The following UBE4A variants were observed in gnomAD, a reference collection of about 807,000 sequenced individuals.
The protein encoded by UBE4A is ubiquitination factor E4A.
Under a neutral mutation model 117.9 loss-of-function variants are expected in UBE4A, and 48 were observed. The observed-to-expected ratio is 0.41, with a 90% CI of 0.32 to 0.52. The LOEUF (loss-of-function observed/expected upper bound fraction) is 0.52. UBE4A is among the 20% of genes least tolerant of loss of function. UBE4A has a pLI of 0.33. For synonymous variants in UBE4A, 407 were observed against 450.0 expected (o/e 0.90, Z 1.21); for missense variants, 1,067 against 1,296.3 (o/e 0.82, Z 2.72).
At chr11:118,372,713 G>A (rs1269020523) in intron 6 of UBE4A, 47 bp downstream of exon 6, 1 of 1,604,026 alleles carries the variant, frequency 6.2e-7, no homozygotes, top group Non-Finnish European at 8.5e-7. Flanking sequence ...TTGATTTTCA[G>A]ATTTAAAATT....
chr11:118,392,198 T>TA, intron 18 of UBE4A, among the ~76,000 whole-genome samples: 1 of 152,352 alleles, frequency 6.6e-6, no homozygotes, highest in Middle Eastern at 3.4e-3. Flanking sequence ...GTTTCTTTTT[T>TA]ATTGAGTTGG....
At chr11:118,366,347 G>T (rs1350323158) in intron 2 of UBE4A, among the ~76,000 whole-genome samples, 1 of 152,184 alleles carries the variant, frequency 6.6e-6, no homozygotes, top group Non-Finnish European at 1.5e-5. Context: ...ATGAGTATGT[G>T]GTTGAGGGAA....
At chr11:118,395,506 C>T (rs782356237) in intron 19 of UBE4A, among the ~76,000 whole-genome samples, 6 of 152,198 alleles carry the variant, frequency 3.9e-5, no homozygotes, top group Non-Finnish European at 8.8e-5. Flanking sequence ...AGATTGACAT[C>T]TGTCATAAAC....
At chr11:118,387,068 G>A (rs1258673554) in intron 16 of UBE4A, among the ~76,000 whole-genome samples, 2 of 152,172 alleles carry the variant, frequency 1.3e-5, no homozygotes, top group Non-Finnish European at 2.9e-5. Flanking sequence ...GGTCTGAATT[G>A]AGATGTGCTA....
At position 118,374,982 on chromosome 11, in the gene UBE4A, C is replaced by G; in HGVS notation, c.1203C>G (p.Ser401=). ...LSPETKHCIL[S]WLGNCLHANA... ...CAGAAACCAAACACTGTATCTTGTC[C>G]TGGCTTGGAAACTGTTTGCATGCAA... The change falls in exon 9 of 20, where the codon TCC becomes TCG. Residue 401 remains serine (S), a synonymous_variant. Transcript: ENST00000252108. The G allele has an allele frequency of 6.2e-7, 1 of 1,608,880 alleles. No individual in the cohort carries two copies. Among genetic ancestry groups the G allele is most frequent in the Non-Finnish European group, 8.5e-7 (1 of 1,176,656 alleles).
At chr11:118,359,946 A>G (rs193134342) in intron 1 of UBE4A, among the ~76,000 whole-genome samples, 27 of 152,190 alleles carry the variant, frequency 1.8e-4, no homozygotes, top group Admixed American at 1.3e-4. Flanking sequence ...CTATCATTGC[A>G]TTATCTTTTG....
intron 15 of UBE4A, 25 bp downstream of exon 15, chr11:118,384,970 A>T: frequency 7.3e-7 from 1 of 1,378,416 alleles, no homozygotes. Context: ...AAAAAAAAAG[A>T]TTTAACTTCT....
At position 118,397,090 on chromosome 11, in the gene UBE4A, T is replaced by G. The variant is rs1223211686; in HGVS notation, c.*650T>G. ...GCTCTTAATTTTGTTATACAGTCTT[T>G]TTAATGAGGATTGGTAGGGCAATCC... On this transcript the variant is annotated 3_prime_UTR_variant, in exon 20 of 20. Coordinates refer to ENST00000252108, the MANE Select transcript of UBE4A (RefSeq NM_001204077.2). The G allele has an allele frequency of 1.3e-5, 2 of 152,384 alleles. No homozygotes were observed. Among genetic ancestry groups the G allele is most frequent in the Non-Finnish European group, 2.9e-5 (2 of 68,186 alleles). 9.4% of individuals were successfully genotyped at this position (152,384 alleles called of 1,614,324 possible).
rs1470498766 is a variant in UBE4A at position 118,373,134 on chromosome 11, T to C, written c.770T>C (p.Ile257Thr). The C allele has an allele frequency of 1.2e-6, 2 of 1,614,022 alleles. No individual in the cohort carries two copies. The highest frequency in any genetic ancestry group is 8.5e-7 in the Non-Finnish European group (1 of 1,180,036). ...EFLEEVIEAL[I>T]LDEEVRTFPE... ...CTGGAAGAGGTCATTGAAGCCTTGA[T>C]ATTGGATGAGGAAGTTAGAACATTT... Residue 257 changes from isoleucine (I) to threonine (T), a missense_variant, in exon 7 of 20, where the codon ATA becomes ACA. Around this residue, in one of 3 missense-constraint regions of UBE4A, gnomAD observed 1,001 missense variants for 1,184.0 expected, o/e 0.85. Transcript: ENST00000252108.
At position 118,399,169 on chromosome 11, in the gene UBE4A, T is replaced by C. The variant is rs562531878; in HGVS notation, c.*2729T>C. 5.1e-5 allele frequency: 21 copies of C among 412,264 alleles called. 1 individual carries two copies. The highest frequency in any genetic ancestry group is 3.6e-4 in the South Asian group (21 of 58,738). 25.5% of individuals were successfully genotyped at this position (412,264 alleles called of 1,614,324 possible). A position where few individuals can be genotyped will look rare whatever the true frequency, so the allele number is the denominator to read the frequency against. ...TCTTGTCAAACTTGCCTGGCAGTGTTTGTTCAAAACTTGTATTTAATAAAT... is the reference window on the plus strand; with the variant it reads ...TCTTGTCAAACTTGCCTGGCAGTGTCTGTTCAAAACTTGTATTTAATAAAT... On this transcript the variant is annotated 3_prime_UTR_variant, in exon 20 of 20. Coordinates refer to ENST00000252108, the MANE Select transcript of UBE4A (RefSeq NM_001204077.2).
rs1177807383 is a variant in UBE4A, at chr11:118,363,357, C to T, written c.-41-1683C>T. ...AGGAGTTCGAGACCAGCCTGGCCAA[C>T]ATGGTGATACCCCGTCTCTACTAAA... On this transcript the variant is annotated intron_variant, in intron 1 of 19. Coordinates refer to ENST00000252108, the MANE Select transcript of UBE4A (RefSeq NM_001204077.2). Among the ~76,000 whole-genome samples the T allele has an allele frequency of 2.0e-5, 3 of 152,286 alleles. No homozygotes were observed. In the East Asian group the frequency reaches 5.8e-4, roughly 29 times the overall value.
chr11:118,365,567 G>C (rs756596843), intron 2 of UBE4A, among the ~76,000 whole-genome samples: 1 of 152,202 alleles, frequency 6.6e-6, no homozygotes, highest in Non-Finnish European at 1.5e-5. Flanking sequence ...CACAGAGGTG[G>C]TAAGTGTAGG....
intron 12 of UBE4A, among the ~76,000 whole-genome samples, chr11:118,382,008 T>A (rs1948709237): frequency 6.6e-6 from 1 of 152,170 alleles, no homozygotes; most frequent in Non-Finnish European, 1.5e-5. Context: ...ATTTTTTTGA[T>A]GCATAGGCTA....
intron 4 of UBE4A, 95 bp downstream of exon 4, chr11:118,369,630 A>G (rs1948592758): frequency 1.4e-6 from 1 of 736,590 alleles, no homozygotes; most frequent in Non-Finnish European, 2.2e-6. Flanking sequence ...TTGTGTCCAT[A>G]TGTCCATCCC....
chr11:118,374,932 C>T lies in UBE4A; in HGVS notation c.1153C>T (p.Leu385=). 1 of 1,554,770 alleles carries T rather than the reference C, an allele frequency of 6.4e-7. No individual in the cohort carries two copies. The highest frequency in any genetic ancestry group is 8.7e-7 in the Non-Finnish European group (1 of 1,148,148). The change falls in exon 9 of 20, where the codon CTG becomes TTG. Residue 385 remains leucine (L), a synonymous_variant. Coordinates refer to ENST00000252108, the MANE Select transcript of UBE4A (RefSeq NM_001204077.2). ...AQFHEKIYQM[L]KNLLQLSPET... is the part of the protein sequence containing the mutation. ...GTTCCACGAAAAGATCTACCAGATG[C>T]TGAAGAACTTACTCCAGCTCTCTCC...
chr11:118,385,503 A>C (rs182278623), intron 15 of UBE4A, among the ~76,000 whole-genome samples: 2 of 152,210 alleles, frequency 1.3e-5, no homozygotes, highest in African/African-American at 2.4e-5. Context: ...GGTGAAACAA[A>C]GGTTTCACAA....
chr11:118,362,467 C>T (rs1948528019), intron 1 of UBE4A, among the ~76,000 whole-genome samples: 1 of 152,190 alleles, frequency 6.6e-6, no homozygotes, highest in Admixed American at 6.5e-5. Context: ...GTCCTATATT[C>T]CTGGCTTTCA....
rs1462122585 is a variant in UBE4A, at chr11:118,379,701, G to A, written c.1827G>A (p.Glu609=). 1 of 1,613,426 alleles carries A rather than the reference G, an allele frequency of 6.2e-7. No individual in the cohort carries two copies. Among genetic ancestry groups the A allele is most frequent in the Non-Finnish European group, 8.5e-7 (1 of 1,179,464 alleles). Residue 609 remains glutamate, a synonymous_variant, in exon 11 of 20, where the codon GAG becomes GAA. Coordinates refer to ENST00000252108, the MANE Select transcript of UBE4A (RefSeq NM_001204077.2). ...AIGNEGSQPI[E]LTFPLPDGYS... The stretch of plus-strand genomic sequence containing the variant: ...GCAATGAGGGCTCACAGCCAATAGA[G>A]CTAACCTTTCCTTTGCCAGATGGCT...
chr11:118,385,733 A>G (rs1216472594), intron 15 of UBE4A, among the ~76,000 whole-genome samples: 1 of 152,196 alleles, frequency 6.6e-6, no homozygotes, highest in Non-Finnish European at 1.5e-5. Flanking sequence ...GCTCCTCCTT[A>G]TGATCAGCAA....
Sources: allele counts gnomAD v4.1 joint callset (sites outside exome capture counted in the v4.1 genomes callset), GRCh38; gene constraint gnomAD v4.1.1; regional missense constraint gnomAD v4.1.1; transcripts MANE v1.5; gene names NCBI Gene and HGNC (gene_info 2026-07-23, HGNC 2026-07-21).